Variants in TLR5 observed in about 807,000 individuals in gnomAD.
TLR5 encodes the protein toll-like receptor 5.
For synonymous variants in TLR5, 373 were observed against 384.4 expected (o/e 0.97, Z 0.35); for missense variants, 944 against 999.8 (o/e 0.94, Z 0.75).
intron 2 of TLR5, among the ~76,000 whole-genome samples, chr1:223,138,586 G>C (rs1330188912): frequency 6.6e-6 from 1 of 152,096 alleles, no homozygotes; most frequent in Non-Finnish European, 1.5e-5. Context: ...GTGTGTTTCA[G>C]TTGACTCTAG....
intron 5 of TLR5, among the ~76,000 whole-genome samples, chr1:223,125,769 A>C (rs944719078): frequency 1.4e-4 from 21 of 152,180 alleles, no homozygotes; most frequent in Non-Finnish European, 3.1e-4. Context: ...TACACACCGG[A>C]ATCACCAGGA....
intron 5 of TLR5, among the ~76,000 whole-genome samples, chr1:223,120,506 G>A (rs1019987971): frequency 6.6e-6 from 1 of 152,190 alleles, no homozygotes; most frequent in Non-Finnish European, 1.5e-5. Flanking sequence ...GCTGTAGCCT[G>A]AACACCTTAG....
At chr1:223,136,474 G>A (rs1203172886) in intron 3 of TLR5, among the ~76,000 whole-genome samples, 2 of 152,192 alleles carry the variant, frequency 1.3e-5, no homozygotes, top group Non-Finnish European at 2.9e-5. Context: ...AAATAGAGGA[G>A]AGGCAGTATT....
At chr1:223,119,929 A>T in intron 5 of TLR5, among the ~76,000 whole-genome samples, 1 of 87,906 alleles carries the variant, frequency 1.1e-5, no homozygotes, top group African/African-American at 5.4e-5. Flanking sequence ...CAGCCTTGGC[A>T]ACAGAGTGAG....
chr1:223,138,782 A>G (rs1354337419), intron 2 of TLR5, among the ~76,000 whole-genome samples: 3 of 152,190 alleles, frequency 2.0e-5, no homozygotes, highest in Non-Finnish European at 4.4e-5. Context: ...TAGGTTTGAA[A>G]AAACCTTGTC....
At chr1:223,127,313 G>T (rs1243749805) in intron 5 of TLR5, 1 of 152,190 alleles carries the variant, frequency 6.6e-6, no homozygotes, top group African/African-American at 2.4e-5. Context: ...AAGCATGGAG[G>T]ACTCACTGAG....
At chr1:223,116,357 T>C (rs1036761352) in intron 5 of TLR5, among the ~76,000 whole-genome samples, 2 of 152,098 alleles carry the variant, frequency 1.3e-5, no homozygotes, top group South Asian at 4.2e-4. Context: ...TCTATAGACC[T>C]TCACGGTGAG....
chr1:223,124,503 G>A (rs1021573394), intron 5 of TLR5, among the ~76,000 whole-genome samples: 3 of 151,628 alleles, frequency 2.0e-5, no homozygotes, highest in Non-Finnish European at 4.4e-5. Flanking sequence ...AGGTAGCACA[G>A]TTTTAGCCAA....
At position 223,112,931 on chromosome 1, in the gene TLR5, C is replaced by T. The variant is rs187499609; in HGVS notation, c.101G>A (p.Arg34His). ...CSFDGRIAFY[R>H]FCNLTQVPQV... ...GGGGACCTGGGTGAGGTTGCAGAAACGATAAAAGGCTATTCGGCCATCAAA... is the reference window on the plus strand; with the variant it reads ...GGGGACCTGGGTGAGGTTGCAGAAATGATAAAAGGCTATTCGGCCATCAAA... Residue 34 changes from arginine to histidine, a missense_variant, in exon 6 of 6, where the codon CGT (arginine) becomes CAT (histidine). By Grantham distance (29) the Arg-to-His change is conservative. Transcript: ENST00000642603. 4.2e-5 allele frequency: 68 copies of T among 1,614,084 alleles called. No homozygotes were observed. The highest frequency in any genetic ancestry group is 2.0e-4 in the Admixed American group (12 of 60,008).
intron 5 of TLR5, among the ~76,000 whole-genome samples, chr1:223,118,660 A>G (rs1245033565): frequency 6.6e-6 from 1 of 152,180 alleles, no homozygotes; most frequent in Non-Finnish European, 1.5e-5. Flanking sequence ...GGCTACAGAG[A>G]ATATAATATA....
At chr1:223,116,299 G>T (rs1464964914) in intron 5 of TLR5, among the ~76,000 whole-genome samples, 4 of 152,138 alleles carry the variant, frequency 2.6e-5, no homozygotes. Context: ...CGTGTTCGGA[G>T]TTTCTTCCTT....
At chr1:223,130,519 T>C (rs1193784730) in intron 5 of TLR5, among the ~76,000 whole-genome samples, 1 of 152,218 alleles carries the variant, frequency 6.6e-6, no homozygotes, top group Non-Finnish European at 1.5e-5. Flanking sequence ...TCTGGGTTCC[T>C]TGGATGGGCC....
intron 4 of TLR5, chr1:223,134,325 T>C (rs924120441): frequency 6.6e-6 from 1 of 152,140 alleles, no homozygotes; most frequent in Non-Finnish European, 1.5e-5. Context: ...AGGGGAAAGT[T>C]AGAGAGGGAA....
intron 5 of TLR5, among the ~76,000 whole-genome samples, chr1:223,122,221 C>G (rs1332859728): frequency 6.6e-6 from 1 of 152,174 alleles, no homozygotes; most frequent in African/African-American, 2.4e-5. Context: ...AAATATGCAT[C>G]ATGATGATAA....
In TLR5 at chr1:223,131,194, CA is replaced by C. The variant is rs1657382988; in HGVS notation, c.-5+1280del. ...ACTGACTCCTCATGCTCATATCACT[CA>C]AACTCTTCAGGATGACCTCAGGGTC... On this transcript the variant is annotated intron_variant, in intron 5 of 5. Transcript: ENST00000642603. The surrounding 1 kb of genome is among the most constrained non-coding windows in gnomAD (Gnocchi z 4.2). 6.6e-6 allele frequency among the ~76,000 whole-genome samples: 1 copy of C among 152,202 alleles called. No homozygotes were observed. Among genetic ancestry groups the C allele is most frequent in the East Asian group, 1.9e-4 (1 of 5,198 alleles).
rs1656387021 is a variant in TLR5 at position 223,112,233 on chromosome 1, C to A, written c.799G>T (p.Ala267Ser). ...TTGATGTTATGGAAGCCAAACCCGG[C>A]ACCCATGATGTGGTGGGCAAGAATC... ...SLILAHHIMGAGFGFHNIKDP... is the reference protein window; with the variant it reads ...SLILAHHIMGSGFGFHNIKDP... The change falls in exon 6 of 6, where the codon GCC (alanine) becomes TCC (serine). Residue 267 changes from alanine (A) to serine (S), a missense_variant. Ala to Ser is a moderately conservative substitution (Grantham distance 99). Coordinates refer to ENST00000642603, the MANE Select transcript of TLR5 (RefSeq NM_003268.6). 1.2e-6 allele frequency: 2 copies of A among 1,614,060 alleles called. No homozygotes were observed. Among genetic ancestry groups the A allele is most frequent in the East Asian group, 2.2e-5 (1 of 44,894 alleles).
At chr1:223,117,634 T>G (rs1361977471) in intron 5 of TLR5, among the ~76,000 whole-genome samples, 1 of 148,970 alleles carries the variant, frequency 6.7e-6, no homozygotes, top group African/African-American at 2.5e-5. Context: ...AACACTGCCA[T>G]CAACAGAAAG....
intron 5 of TLR5, among the ~76,000 whole-genome samples, chr1:223,123,216 T>A (rs1323297709): frequency 6.6e-6 from 1 of 152,102 alleles, no homozygotes; most frequent in Non-Finnish European, 1.5e-5. Context: ...CCTGCAGACA[T>A]GGGAGTGAGA....
At chr1:223,113,542 T>C (rs1656476191) in intron 5 of TLR5, among the ~76,000 whole-genome samples, 1 of 152,186 alleles carries the variant, frequency 6.6e-6, no homozygotes, top group African/African-American at 2.4e-5. Flanking sequence ...CGTTGAATTT[T>C]CTGTATACTA....
Sources: allele counts gnomAD v4.1 joint callset (sites outside exome capture counted in the v4.1 genomes callset), GRCh38; gene constraint gnomAD v4.1.1; non-coding constraint Gnocchi (gnomAD v3.1); transcripts MANE v1.5; gene names NCBI Gene and HGNC (gene_info 2026-07-23, HGNC 2026-07-21).